SGCZ: variants seen among roughly 807,000 people sequenced by gnomAD.
SGCZ encodes sarcoglycan zeta, also known as zeta-sarcoglycan.
SGCZ carries 40 observed loss-of-function variants against 41.3 expected under a neutral mutation model. The ratio of observed to expected loss-of-function variants is 0.97; its 90% CI spans 0.75 to 1.26. The LOEUF (loss-of-function observed/expected upper bound fraction) is 1.26. SGCZ is among the 50% of genes most tolerant of loss of function. The pLI is 0.00. For synonymous variants in SGCZ, 206 were observed against 137.5 expected (o/e 1.50, Z -3.49); for missense variants, 552 against 369.8 (o/e 1.49, Z -4.04).
intron 1 of SGCZ, among the ~76,000 whole-genome samples, chr8:14,588,474 A>G (rs1313011645): frequency 2.0e-5 from 3 of 152,160 alleles, no homozygotes; most frequent in Admixed American, 2.0e-4. Context: ...AGAATAAACA[A>G]TAACGATAAT....
At chr8:15,157,427 A>G (rs1000269013) in intron 1 of SGCZ, among the ~76,000 whole-genome samples, 9 of 149,010 alleles carry the variant, frequency 6.0e-5, no homozygotes, top group African/African-American at 2.2e-4. Flanking sequence ...TTAAGGGGGA[A>G]AAAAAAAAAG....
intron 1 of SGCZ, among the ~76,000 whole-genome samples, chr8:14,818,046 G>A (rs544659150): frequency 1.6e-4 from 24 of 152,270 alleles, no homozygotes; most frequent in African/African-American, 5.5e-4. Flanking sequence ...TCTGGACAGA[G>A]TGCCATGAAG....
intron 2 of SGCZ, among the ~76,000 whole-genome samples, chr8:14,448,785 G>C (rs1271202937): frequency 6.6e-6 from 1 of 152,012 alleles, no homozygotes; most frequent in Non-Finnish European, 1.5e-5. Flanking sequence ...TCAGTTCAAC[G>C]TCTGCCCTAC....
At position 15,207,621 on chromosome 8, in the gene SGCZ, G is replaced by C. The variant is rs886569335; in HGVS notation, c.39+29964C>G. Among the ~76,000 whole-genome samples the C allele has an allele frequency of 3.9e-5, 6 of 152,140 alleles. No individual in the cohort carries two copies. The East Asian group carries it at 9.6e-4, about 24-fold the overall frequency. On this transcript the variant is annotated intron_variant, in intron 1 of 7. Coordinates refer to ENST00000382080, the MANE Select transcript of SGCZ (RefSeq NM_139167.4). ...AGGTCAGGAATCCTAGAGAAGGCAG[G>C]TGACAGCAGCAATCACAAGGAATAT...
chr8:14,567,837 C>T (rs1401741131), intron 1 of SGCZ, among the ~76,000 whole-genome samples: 3 of 152,082 alleles, frequency 2.0e-5, no homozygotes, highest in Non-Finnish European at 2.9e-5. Context: ...ACACTCACTG[C>T]GAAGGTCTGC....
chr8:14,675,789 G>C (rs1346936045), intron 1 of SGCZ, among the ~76,000 whole-genome samples: 3 of 152,078 alleles, frequency 2.0e-5, no homozygotes, highest in African/African-American at 7.2e-5. Flanking sequence ...TGATATCAAA[G>C]ATAAAAACAA....
chr8:15,227,331 T>G (rs898932828), intron 1 of SGCZ, among the ~76,000 whole-genome samples: 1 of 152,190 alleles, frequency 6.6e-6, no homozygotes, highest in African/African-American at 2.4e-5. Context: ...GAAGATCAAA[T>G]AGGTAAATAT....
At chr8:14,750,759 C>G (rs1308619416) in intron 1 of SGCZ, among the ~76,000 whole-genome samples, 1 of 152,142 alleles carries the variant, frequency 6.6e-6, no homozygotes, top group Non-Finnish European at 1.5e-5. Flanking sequence ...ATCAAGTTGG[C>G]TTCGTTTATT....
At chr8:14,695,654 T>G (rs1280841687) in intron 1 of SGCZ, among the ~76,000 whole-genome samples, 1 of 151,900 alleles carries the variant, frequency 6.6e-6, no homozygotes, top group East Asian at 1.9e-4. Flanking sequence ...CTATAAAACC[T>G]ACATTACACA....
At chr8:14,910,186 T>C (rs1431913853) in intron 1 of SGCZ, among the ~76,000 whole-genome samples, 1 of 151,762 alleles carries the variant, frequency 6.6e-6, no homozygotes, top group Admixed American at 6.6e-5. Context: ...ACCAGTAACA[T>C]ATCTTCCATC....
chr8:14,956,194 C>A (rs1022139494), intron 1 of SGCZ, among the ~76,000 whole-genome samples: 2 of 151,914 alleles, frequency 1.3e-5, no homozygotes, highest in African/African-American at 2.4e-5. Context: ...CATGCGTGAC[C>A]ACACCTAGCT....
At chr8:14,100,910 A>ATTTAAAAACGATAAAT (rs1351776293) in intron 7 of SGCZ, among the ~76,000 whole-genome samples, 1 of 151,994 alleles carries the variant, frequency 6.6e-6, no homozygotes, top group East Asian at 1.9e-4. Flanking sequence ...TGGGCTCATA[A>ATTTAAAAACGATAAAT]TTTAAAAACG....
intron 4 of SGCZ, among the ~76,000 whole-genome samples, chr8:14,211,632 T>A (rs1805809579): frequency 6.6e-6 from 1 of 150,928 alleles, no homozygotes; most frequent in Non-Finnish European, 1.5e-5. Context: ...GGGAAGCACG[T>A]CTTACCACAA....
chr8:14,514,615 A>G (rs1444758043), intron 2 of SGCZ, among the ~76,000 whole-genome samples: 7 of 149,852 alleles, frequency 4.7e-5, no homozygotes, highest in Admixed American at 4.0e-4. Context: ...TCTCTCACAT[A>G]TATTTATATT....
intron 1 of SGCZ, among the ~76,000 whole-genome samples, chr8:14,748,235 A>T (rs1436980367): frequency 1.3e-5 from 2 of 152,246 alleles, no homozygotes; most frequent in East Asian, 3.9e-4. Flanking sequence ...AGTACTAATT[A>T]TCTTCATGTT....
At chr8:14,293,148 C>T (rs1800894921) in intron 3 of SGCZ, among the ~76,000 whole-genome samples, 1 of 151,808 alleles carries the variant, frequency 6.6e-6, no homozygotes, top group African/African-American at 2.4e-5. Flanking sequence ...TAAGGAAAGA[C>T]ATTTAAAGAA....
At chr8:14,354,309 T>C (rs886614260) in intron 2 of SGCZ, among the ~76,000 whole-genome samples, 6 of 151,914 alleles carry the variant, frequency 3.9e-5, no homozygotes, top group Non-Finnish European at 7.4e-5. Context: ...ATTAATGTTA[T>C]TAGAAAATAA....
intron 2 of SGCZ, among the ~76,000 whole-genome samples, chr8:14,328,137 T>C (rs1444719894): frequency 6.6e-6 from 1 of 152,190 alleles, no homozygotes; most frequent in Admixed American, 6.5e-5. Context: ...TATAAAGCTG[T>C]ATAACATATA....
chr8:14,796,397 G>C (rs547085600), intron 1 of SGCZ, among the ~76,000 whole-genome samples: 1 of 151,942 alleles, frequency 6.6e-6, no homozygotes, highest in Admixed American at 6.5e-5. Context: ...GGTATTACAG[G>C]TGTGAGCCAG....
Sources: allele counts gnomAD v4.1 joint callset (sites outside exome capture counted in the v4.1 genomes callset), GRCh38; gene constraint gnomAD v4.1.1; transcripts MANE v1.5; gene names NCBI Gene and HGNC (gene_info 2026-07-23, HGNC 2026-07-21).